PTPRG: variants seen among roughly 807,000 people sequenced by gnomAD.
PTPRG encodes protein tyrosine phosphatase receptor type G, also known as receptor-type tyrosine-protein phosphatase gamma.
PTPRG carries 102 observed loss-of-function variants against 165.3 expected under a neutral mutation model. The ratio of observed to expected loss-of-function variants is 0.62; its 90% CI spans 0.53 to 0.73. The LOEUF (loss-of-function observed/expected upper bound fraction) is 0.73, where lower values mean the gene tolerates loss of function less well. Ranked by LOEUF, PTPRG falls within the 30% of genes least tolerant of loss-of-function variation. PTPRG has a pLI of 0.00. For missense variants in PTPRG, 1,866 were observed against 1,861.4 expected (o/e 1.00, Z -0.05); for synonymous variants, 675 against 669.5 (o/e 1.01, Z -0.13).
intron 2 of PTPRG, among the ~76,000 whole-genome samples, chr3:61,910,321 G>C (rs1273655488): frequency 1.3e-5 from 2 of 152,036 alleles, no homozygotes; most frequent in African/African-American, 2.4e-5. Context: ...TCACTTCCTA[G>C]GATGACTCTA....
intron 28 of PTPRG, among the ~76,000 whole-genome samples, 185 bp downstream of exon 28, chr3:62,283,054 A>C (rs1184015682): frequency 2.0e-5 from 3 of 152,100 alleles, no homozygotes; most frequent in Non-Finnish European, 4.4e-5. Flanking sequence ...TTAATATGTC[A>C]AACTCTTCCA....
At chr3:62,120,576 C>A (rs1293735845) in intron 5 of PTPRG, among the ~76,000 whole-genome samples, 1 of 148,378 alleles carries the variant, frequency 6.7e-6, no homozygotes, top group African/African-American at 2.5e-5. Context: ...CATGGTTAAA[C>A]CCCATCCCTA....
chr3:61,879,790 C>T (rs370909814), intron 2 of PTPRG, among the ~76,000 whole-genome samples: 13 of 152,284 alleles, frequency 8.5e-5, no homozygotes, highest in African/African-American at 3.1e-4. Context: ...GACATTCTTG[C>T]TTTCCTAATG....
chr3:62,228,520 A>G lies in PTPRG; in HGVS notation c.2289-2705A>G, dbSNP rs1339872111. ...CAGAGCAAAACTCCATCTCAAAAAA[A>G]AAAAAGAAAGAAAGAAAAAAGAAAA... On this transcript the variant is annotated intron_variant, in intron 13 of 29. Transcript: ENST00000474889. This position sits in a 1 kb window ranked among gnomAD's most constrained non-coding sequence, Gnocchi z 4.1. Among the ~76,000 whole-genome samples, 1 of 152,010 alleles carries G rather than the reference A, an allele frequency of 6.6e-6. No individual in the cohort carries two copies. Among genetic ancestry groups the G allele is most frequent in the African/African-American group, 2.4e-5 (1 of 41,392 alleles).
intron 4 of PTPRG, among the ~76,000 whole-genome samples, chr3:62,052,892 A>G (rs2106658228): frequency 6.6e-6 from 1 of 152,310 alleles, no homozygotes; most frequent in South Asian, 2.1e-4. Flanking sequence ...CATGTTGATA[A>G]TTGCCTTCTT....
intron 1 of PTPRG, among the ~76,000 whole-genome samples, chr3:61,694,697 G>A (rs974617095): frequency 2.6e-5 from 4 of 152,124 alleles, no homozygotes; most frequent in African/African-American, 9.7e-5. Context: ...TGATATATTT[G>A]TGCAGTGGGG....
At position 61,611,433 on chromosome 3, in the gene PTPRG, TA is replaced by T. The variant is rs1219495750; in HGVS notation, c.85+49069del. 3.9e-5 allele frequency among the ~76,000 whole-genome samples: 6 copies of T among 152,276 alleles called. No individual in the cohort carries two copies. In the East Asian group the frequency reaches 1.2e-3, roughly 29 times the overall value. The stretch of plus-strand genomic sequence containing the variant: ...GTTAACTACCATCTTGACTGGTAAG[TA>T]AAAAAAACTTGAATGCTTTTTTGGG... On this transcript the variant is annotated intron_variant, in intron 1 of 29. Coordinates refer to ENST00000474889, the MANE Select transcript of PTPRG (RefSeq NM_002841.4).
At chr3:61,736,461 C>T (rs2680238) in intron 1 of PTPRG, among the ~76,000 whole-genome samples, 119,241 of 151,086 alleles carry the variant, frequency 0.79, 47,132 homozygotes, top group Middle Eastern at 0.85. Flanking sequence ...TCTTTTTTTT[C>T]CCCCATTGAT....
chr3:61,569,813 T>G lies in PTPRG; in HGVS notation c.85+7441T>G, dbSNP rs1031959362. Reference sequence around the variant, plus strand: ...AGCATGGGGACATTCTATGTAAGATTACTAACAGGTTACATTTTGAGGTTT... The same window carrying G: ...AGCATGGGGACATTCTATGTAAGATGACTAACAGGTTACATTTTGAGGTTT... On this transcript the variant is annotated intron_variant, in intron 1 of 29. Transcript: ENST00000474889. Among the ~76,000 whole-genome samples, 8 of 152,318 alleles carry G rather than the reference T, an allele frequency of 5.3e-5. No individual in the cohort carries two copies. The East Asian group carries it at 1.5e-3, about 29-fold the overall frequency.
chr3:61,856,447 A>G (rs2037109002), intron 2 of PTPRG, among the ~76,000 whole-genome samples: 1 of 152,198 alleles, frequency 6.6e-6, no homozygotes, highest in Non-Finnish European at 1.5e-5. Context: ...ATGGAAACGA[A>G]GCCCACAGTT....
At chr3:61,692,994 A>G (rs184274916) in intron 1 of PTPRG, among the ~76,000 whole-genome samples, 1 of 152,310 alleles carries the variant, frequency 6.6e-6, no homozygotes, top group Admixed American at 6.5e-5. Flanking sequence ...CCCTATTAGT[A>G]ACAGTTGTTT....
chr3:61,754,670 T>C (rs2033573667), intron 2 of PTPRG, among the ~76,000 whole-genome samples: 2 of 152,142 alleles, frequency 1.3e-5, no homozygotes, highest in Non-Finnish European at 2.9e-5. Context: ...TTCAGATAAA[T>C]TAGTGGGTGA....
At chr3:61,711,069 G>C (rs148546313) in intron 1 of PTPRG, among the ~76,000 whole-genome samples, 6,376 of 152,196 alleles carry the variant, frequency 0.042, 185 homozygotes, top group Non-Finnish European at 0.067. Flanking sequence ...ATGGTTTCCA[G>C]CTTTATCCAT....
chr3:61,627,508 T>C (rs1163639969), intron 1 of PTPRG, among the ~76,000 whole-genome samples: 1 of 152,134 alleles, frequency 6.6e-6, no homozygotes, highest in Non-Finnish European at 1.5e-5. Context: ...ATTTGTGGGG[T>C]AATGAATATT....
chr3:61,800,286 G>C (rs995212204), intron 2 of PTPRG, among the ~76,000 whole-genome samples: 1 of 152,088 alleles, frequency 6.6e-6, no homozygotes, highest in African/African-American at 2.4e-5. Context: ...GTTGAAGACA[G>C]GTGACATGTT....
chr3:61,599,329 G>A (rs371160343), intron 1 of PTPRG, among the ~76,000 whole-genome samples: 6 of 152,016 alleles, frequency 3.9e-5, no homozygotes, highest in African/African-American at 1.4e-4. Flanking sequence ...TGTATGTTTA[G>A]TAGAGACAGG....
At chr3:62,063,961 G>A (rs970639112) in intron 4 of PTPRG, among the ~76,000 whole-genome samples, 1 of 152,194 alleles carries the variant, frequency 6.6e-6, no homozygotes, top group African/African-American at 2.4e-5. Context: ...GCTGTCTGTT[G>A]CTAGGGGCTG....
At chr3:62,144,793 G>A (rs939395097) in intron 6 of PTPRG, among the ~76,000 whole-genome samples, 18 of 152,164 alleles carry the variant, frequency 1.2e-4, no homozygotes, top group Non-Finnish European at 2.2e-4. Flanking sequence ...GAAATGGGAT[G>A]CTGTGCGACT....
chr3:62,111,003 T>C (rs1702650188), intron 5 of PTPRG, among the ~76,000 whole-genome samples: 1 of 152,180 alleles, frequency 6.6e-6, no homozygotes, highest in Non-Finnish European at 1.5e-5. Context: ...TTTTAGAGAT[T>C]GTAGGGCTCT....
Sources: allele counts gnomAD v4.1 joint callset (sites outside exome capture counted in the v4.1 genomes callset), GRCh38; gene constraint gnomAD v4.1.1; non-coding constraint Gnocchi (gnomAD v3.1); transcripts MANE v1.5; gene names NCBI Gene and HGNC (gene_info 2026-07-23, HGNC 2026-07-21).